SCNN1G: variants seen among roughly 807,000 people sequenced by gnomAD.
SCNN1G encodes sodium channel epithelial 1 subunit gamma, also known as epithelial sodium channel subunit gamma.
SCNN1G carries 27 observed loss-of-function variants against 64.6 expected under a neutral mutation model. The ratio of observed to expected loss-of-function variants is 0.42; its 90% CI spans 0.31 to 0.58. SCNN1G has a LOEUF of 0.58. Ranked by LOEUF, SCNN1G falls within the 20% of genes least tolerant of loss-of-function variation. The probability of loss-of-function intolerance (pLI) is 0.18; values close to 1 mark genes in which losing one functional copy is unlikely to be tolerated. For synonymous variants in SCNN1G, 330 were observed against 314.2 expected, an observed-to-expected ratio of 1.05 and a Z score of -0.53; for missense variants, 743 against 823.4, an observed-to-expected ratio of 0.90 and a Z score of 1.19.
At chr16:23,194,731 C>T (rs1246407383) in intron 5 of SCNN1G, 5 of 210,042 alleles carry the variant, frequency 2.4e-5, no homozygotes, top group African/African-American at 9.2e-5. Context: ...AGTTACTGCG[C>T]TTCGTCTATA....
In SCNN1G at chr16:23,189,464, C is replaced by A; in HGVS notation, c.411C>A (p.Arg137=). ...ATGGCTTTCCAGAGTCCCGGAAGCG[C>A]CGAGAGGCGGAGTCCTGGAACTCCG... is the stretch of plus-strand genomic sequence containing the variant. ...SLYGFPESRK[R]REAESWNSVS... Residue 137 remains arginine, a synonymous_variant, in exon 3 of 13, where the codon CGC becomes CGA. Coordinates refer to ENST00000300061, the MANE Select transcript of SCNN1G (RefSeq NM_001039.4). The A allele has an allele frequency of 1.2e-6, 2 of 1,614,182 alleles. No homozygotes were observed. The highest frequency in any genetic ancestry group is 1.3e-5 in the African/African-American group (1 of 75,046).
At chr16:23,202,991 T>C (rs1367676147) in intron 6 of SCNN1G, among the ~76,000 whole-genome samples, 3 of 152,074 alleles carry the variant, frequency 2.0e-5, no homozygotes, top group African/African-American at 7.2e-5. Flanking sequence ...GACATGGAAA[T>C]AAATGCCATC....
intron 5 of SCNN1G, among the ~76,000 whole-genome samples, chr16:23,195,477 C>T (rs1046981312): frequency 3.9e-5 from 6 of 152,156 alleles, no homozygotes; most frequent in African/African-American, 1.2e-4. Flanking sequence ...TAGATATACT[C>T]GCACCAGGAC....
chr16:23,212,571 G>A, intron 8 of SCNN1G, 107 bp from the exon 9 acceptor site: 4 of 855,936 alleles, frequency 4.7e-6, no homozygotes, highest in Non-Finnish European at 8.1e-6. Context: ...AAAGTGGGAG[G>A]AGAAATCATT....
At chr16:23,197,746 A>G (rs556846633) in intron 6 of SCNN1G, among the ~76,000 whole-genome samples, 28 of 152,160 alleles carry the variant, frequency 1.8e-4, no homozygotes, top group African/African-American at 6.5e-4. Context: ...TGGGTATGGT[A>G]GTGTGTGCCT....
intron 12 of SCNN1G, 41 bp from the exon 13 acceptor site, chr16:23,215,048 G>C: frequency 6.2e-7 from 1 of 1,613,336 alleles, no homozygotes; most frequent in Non-Finnish European, 8.5e-7. Context: ...CCAACTTGGG[G>C]GGAGGTTCCT....
intron 6 of SCNN1G, among the ~76,000 whole-genome samples, chr16:23,202,868 C>T (rs1051333933): frequency 1.3e-4 from 20 of 152,080 alleles, no homozygotes; most frequent in African/African-American, 4.1e-4. Flanking sequence ...ATGACCACTT[C>T]GATTTGGGAC....
intron 6 of SCNN1G, among the ~76,000 whole-genome samples, chr16:23,207,191 G>A (rs771534552): frequency 6.6e-6 from 1 of 152,206 alleles, no homozygotes; most frequent in African/African-American, 2.4e-5. Flanking sequence ...CCATGGGCTG[G>A]TTTTCAGGGT....
At chr16:23,207,584 G>A (rs888684077) in intron 6 of SCNN1G, among the ~76,000 whole-genome samples, 4 of 152,206 alleles carry the variant, frequency 2.6e-5, no homozygotes, top group African/African-American at 9.6e-5. Context: ...TGAGAAGGGC[G>A]GGTTGCAGGG....
intron 6 of SCNN1G, among the ~76,000 whole-genome samples, chr16:23,204,326 TATATATATAGAGAGAG>T (rs1262317023): frequency 2.0e-4 from 11 of 56,204 alleles, no homozygotes; most frequent in African/African-American, 7.4e-4. Context: ...TATATATATA[TATATATATAGAGAGAG>T]AGAGAGAGAG....
At chr16:23,186,654 C>T in intron 2 of SCNN1G, 66 bp downstream of exon 2, 3 of 1,377,436 alleles carry the variant, frequency 2.2e-6, no homozygotes, top group Non-Finnish European at 3.1e-6. Flanking sequence ...AAAGCCCCTC[C>T]CGAAAGTGAC....
intron 3 of SCNN1G, among the ~76,000 whole-genome samples, chr16:23,191,687 A>G (rs994695865): frequency 2.0e-5 from 3 of 152,286 alleles, no homozygotes; most frequent in Admixed American, 2.0e-4. Context: ...CAACCTTCCA[A>G]AGCATTAGGA....
At chr16:23,185,706 T>A (rs1269541365) in intron 1 of SCNN1G, among the ~76,000 whole-genome samples, 3 of 152,154 alleles carry the variant, frequency 2.0e-5, no homozygotes, top group Non-Finnish European at 4.4e-5. Context: ...TGATCTAAGG[T>A]GGCTGCCGGG....
intron 3 of SCNN1G, among the ~76,000 whole-genome samples, chr16:23,189,910 A>G (rs1361544280): frequency 6.6e-6 from 1 of 152,132 alleles, no homozygotes; most frequent in Non-Finnish European, 1.5e-5. Context: ...ATCTCCACTA[A>G]AATACAAAAA....
In SCNN1G at chr16:23,214,765, T is replaced by C; in HGVS notation, c.1547T>C (p.Ile516Thr). The change falls in exon 12 of 13, where the codon ATC becomes ACC. Residue 516 changes from isoleucine (I) to threonine (T), a missense_variant. Physicochemically the swap from Ile to Thr is moderately conservative, Grantham distance 89. Coordinates refer to ENST00000300061, the MANE Select transcript of SCNN1G (RefSeq NM_001039.4). ...TACAAAGACCTGAACCAGAGATCCA[T>C]CATGGAGAGCCCAGCCAACAGTGTG... is the stretch of plus-strand genomic sequence containing the variant. ...IFYKDLNQRS[I>T]MESPANSIEM... is the part of the protein sequence containing the mutation. 2 of 1,614,044 alleles carry C rather than the reference T, an allele frequency of 1.2e-6. No homozygotes were observed. Among genetic ancestry groups the C allele is most frequent in the Non-Finnish European group, 1.7e-6 (2 of 1,179,930 alleles).
Position 23,194,251 on chromosome 16 carries a change from CCT to C in SCNN1G, c.892_893del (p.Ser298HisfsTer30). ...AGAGAAAATGAGACCATTCTCAGCA[CCT>C]CCATGGGGGGCAGCGAATATGGTAA... On this transcript the variant is annotated frameshift_variant, in exon 5 of 13. Transcript: ENST00000300061. LOFTEE classifies it high-confidence loss of function. The C allele has an allele frequency of 6.2e-7, 1 of 1,612,300 alleles. No homozygotes were observed. Among genetic ancestry groups the C allele is most frequent in the Non-Finnish European group, 8.5e-7 (1 of 1,178,374 alleles).
chr16:23,198,740 A>AAAAC (rs373979995), intron 6 of SCNN1G, among the ~76,000 whole-genome samples: 5 of 151,870 alleles, frequency 3.3e-5, no homozygotes, highest in East Asian at 1.9e-4. Flanking sequence ...CTCTGTCTCA[A>AAAAC]AAACAAACAA....
At chr16:23,202,371 G>A (rs1015340166) in intron 6 of SCNN1G, among the ~76,000 whole-genome samples, 7 of 151,970 alleles carry the variant, frequency 4.6e-5, no homozygotes, top group Admixed American at 1.3e-4. Flanking sequence ...TGGATAGATA[G>A]GTGAGTGGGT....
At chr16:23,204,185 G>A (rs1411333221) in intron 6 of SCNN1G, among the ~76,000 whole-genome samples, 2 of 149,604 alleles carry the variant, frequency 1.3e-5, no homozygotes, top group African/African-American at 2.5e-5. Context: ...AGGCTCATGC[G>A]GGAGGATCAC....
Sources: gnomAD v4.1 joint callset for allele counts (sites outside exome capture counted in the v4.1 genomes callset) on GRCh38, gnomAD v4.1.1 for gene constraint, MANE v1.5 for transcripts, NCBI Gene and HGNC (gene_info 2026-07-23, HGNC 2026-07-21) for gene names.